The following PDE2A variants were observed in gnomAD, a reference collection of about 807,000 sequenced individuals.
PDE2A encodes the protein phosphodiesterase 2A.
PDE2A carries 53 observed loss-of-function variants against 133.6 expected under a neutral mutation model. The ratio of observed to expected loss-of-function variants is 0.40; its 90% CI spans 0.32 to 0.50. PDE2A has a LOEUF of 0.50. Among genes scored for constraint, PDE2A ranks in the 20% least tolerant of loss-of-function variants. The pLI, the probability that PDE2A is intolerant of heterozygous loss-of-function variation, is 0.73. For missense variants in PDE2A, 796 were observed against 1,232.4 expected (o/e 0.65, Z 5.30); for synonymous variants, 491 against 490.2 (o/e 1.00, Z -0.02).
chr11:72,580,968 A>C lies in PDE2A; in HGVS notation c.2051T>G (p.Ile684Ser). ...GGAAATAAACAAGGCAAAGATCTCGATGTCCCTGGTTGAGAGGCAGAAAGG... is the reference window on the plus strand; with the variant it reads ...GGAAATAAACAAGGCAAAGATCTCGCTGTCCCTGGTTGAGAGGCAGAAAGG... ...NLELTNYLED[I>S]EIFALFISCM... Residue 684 changes from isoleucine to serine, a missense_variant, in exon 24 of 31, where the codon ATC (isoleucine) becomes AGC (serine). By Grantham distance (142) the Ile-to-Ser change is moderately radical. Transcript: ENST00000334456. 6.2e-7 allele frequency: 1 copy of C among 1,610,066 alleles called. No individual in the cohort carries two copies. The highest frequency in any genetic ancestry group is 1.7e-4 in the Middle Eastern group (1 of 6,060).
chr11:72,625,948 G>C (rs1858039454), intron 2 of PDE2A, among the ~76,000 whole-genome samples: 2 of 152,260 alleles, frequency 1.3e-5, no homozygotes, highest in African/African-American at 4.8e-5. Flanking sequence ...CAGGCAGGAC[G>C]GTGGGGGGTG....
At chr11:72,586,751 G>C (rs1280915923) in intron 13 of PDE2A, among the ~76,000 whole-genome samples, 1 of 152,176 alleles carries the variant, frequency 6.6e-6, no homozygotes, top group Non-Finnish European at 1.5e-5. Flanking sequence ...GAGCTGCATG[G>C]GGCTGGGTGG....
At position 72,610,310 on chromosome 11, in the gene PDE2A, G is replaced by A. The variant is rs550844940; in HGVS notation, c.145-1559C>T. 3.3e-4 allele frequency among the ~76,000 whole-genome samples: 50 copies of A among 152,286 alleles called. 1 individual carries two copies. In the South Asian group the frequency reaches 9.9e-3, roughly 30 times the overall value. On this transcript the variant is annotated intron_variant, in intron 2 of 30. Transcript: ENST00000334456. The stretch of plus-strand genomic sequence containing the variant: ...AGGACCTTCTTCCAGGTAGGGCCAT[G>A]CTACAAAGGCATGCCACAGGTCACC...
intron 22 of PDE2A, 64 bp downstream of exon 22, chr11:72,581,813 C>A (rs1465900333): frequency 2.1e-6 from 3 of 1,426,404 alleles, no homozygotes; most frequent in Non-Finnish European, 3.0e-6. Flanking sequence ...ATGCCGGGGG[C>A]AACGGATGTG....
intron 1 of PDE2A, among the ~76,000 whole-genome samples, chr11:72,662,087 GTGTGT>G (rs1855083301): frequency 1.3e-5 from 2 of 152,284 alleles, no homozygotes; most frequent in South Asian, 4.1e-4. Flanking sequence ...CCGGGTTTCG[GTGTGT>G]TGTATGTTTG....
chr11:72,668,526 G>A, intron 1 of PDE2A: 2 of 698,468 alleles, frequency 2.9e-6, no homozygotes, highest in East Asian at 2.7e-5. Flanking sequence ...GTCCCTGAGG[G>A]AAGAGGTCGA....
chr11:72,647,536 C>A (rs1202703893), intron 1 of PDE2A, among the ~76,000 whole-genome samples: 1 of 152,206 alleles, frequency 6.6e-6, no homozygotes, highest in Non-Finnish European at 1.5e-5. Flanking sequence ...ATTGGAGGAC[C>A]CTCAGGAGAG....
rs539573696 is a variant in PDE2A at position 72,642,585 on chromosome 11, C to T, written c.72-259G>A. On this transcript the variant is annotated intron_variant, in intron 1 of 30. Transcript: ENST00000334456. ...CGGATCCTCCGACCCCACCGGACAC[C>T]CGGCCGCTGTCACCCCGCTTCTGTC... 565 of 182,552 alleles carry T rather than the reference C, an allele frequency of 3.1e-3. 3 individuals carry two copies. Among genetic ancestry groups the T allele is most frequent in the African/African-American group, 0.013 (533 of 41,954 alleles). The allele number at this position is 182,552 out of a possible 1,614,324, so 11.3% of individuals were successfully genotyped here. A position where few individuals can be genotyped will look rare whatever the true frequency, so the allele number is the denominator to read the frequency against.
chr11:72,674,035 G>T, intron 1 of PDE2A, 102 bp downstream of exon 1: 2 of 1,174,452 alleles, frequency 1.7e-6, no homozygotes, highest in Non-Finnish European at 1.2e-6. Context: ...CTTCCACGTG[G>T]CTCAGCTCCA....
chr11:72,597,650 G>A lies in PDE2A; in HGVS notation c.324-31C>T, dbSNP rs752328681. ...AAGAGGACATGATGCCACCTTGAGA[G>A]CCCCCGACTCAGGGAGGAACGAGGC... is the stretch of plus-strand genomic sequence containing the variant. On this transcript the variant is annotated intron_variant, in intron 4 of 30. Coordinates refer to ENST00000334456, the MANE Select transcript of PDE2A (RefSeq NM_002599.5). This position sits in a 1 kb window ranked among gnomAD's most constrained non-coding sequence, Gnocchi z 4.6. 48 of 1,450,950 alleles carry A rather than the reference G, an allele frequency of 3.3e-5. No individual in the cohort carries two copies. Among genetic ancestry groups the A allele is most frequent in the Non-Finnish European group, 4.3e-5 (45 of 1,037,540 alleles). 89.9% of individuals were successfully genotyped at this position (1,450,950 alleles called of 1,614,324 possible).
chr11:72,635,597 C>A (rs1313612232), intron 2 of PDE2A, among the ~76,000 whole-genome samples: 2 of 152,200 alleles, frequency 1.3e-5, no homozygotes, highest in African/African-American at 4.8e-5. Flanking sequence ...CCAGTTAGAA[C>A]CCCACAGACT....
At chr11:72,595,125 C>T (rs1856419902) in intron 6 of PDE2A, among the ~76,000 whole-genome samples, 1 of 152,058 alleles carries the variant, frequency 6.6e-6, no homozygotes, top group Admixed American at 6.6e-5. Flanking sequence ...AGCATTCCGC[C>T]CACAAGGGAA....
Position 72,580,607 on chromosome 11 carries a change from C to A in PDE2A, c.2151G>T (p.Ala717=). ...TGACGGAGCCCTCAGAGCTGTAGAG[C>A]GCAGCCAGCACAGATTTCTGGAAAA... ...FQVASKSVLA[A]LYSSEGSVME... Residue 717 remains alanine (A), a synonymous_variant, in exon 25 of 31, where the codon GCG becomes GCT. Coordinates refer to ENST00000334456, the MANE Select transcript of PDE2A (RefSeq NM_002599.5). The A allele has an allele frequency of 1.3e-6, 2 of 1,567,566 alleles. No individual in the cohort carries two copies. The highest frequency in any genetic ancestry group is 2.3e-5 in the South Asian group (2 of 85,224).
At chr11:72,602,139 G>T (rs1262793568) in intron 4 of PDE2A, among the ~76,000 whole-genome samples, 13 of 152,336 alleles carry the variant, frequency 8.5e-5, no homozygotes, top group Non-Finnish European at 1.2e-4. Context: ...TGAGATGAAA[G>T]TGGAGCAGGG....
chr11:72,649,950 G>A (rs1565192001), intron 1 of PDE2A, among the ~76,000 whole-genome samples: 2 of 151,942 alleles, frequency 1.3e-5, no homozygotes, highest in Non-Finnish European at 2.9e-5. Context: ...CTACCCCAGG[G>A]ACAGAAGACT....
At position 72,581,810 on chromosome 11, in the gene PDE2A, G is replaced by A. The variant is rs184643270; in HGVS notation, c.1922+67C>T. The A allele has an allele frequency of 4.5e-5, 64 of 1,407,442 alleles. No homozygotes were observed. The African/African-American group carries it at 7.9e-4, about 17-fold the overall frequency. The allele number at this position is 1,407,442 out of a possible 1,614,324, so 87.2% of individuals were successfully genotyped here. On this transcript the variant is annotated intron_variant, in intron 22 of 30. Transcript: ENST00000334456. ...AGAGAGATCCTCTCCAGAATGCCGG[G>A]GGCAACGGATGTGACAGTAGAGGAA...
At chr11:72,659,161 C>A (rs1854981478) in intron 1 of PDE2A, among the ~76,000 whole-genome samples, 1 of 151,326 alleles carries the variant, frequency 6.6e-6, no homozygotes, top group African/African-American at 2.4e-5. Flanking sequence ...GGAGTCACAC[C>A]CAGTTGTGTC....
intron 2 of PDE2A, among the ~76,000 whole-genome samples, chr11:72,610,572 G>A (rs936348777): frequency 2.6e-5 from 4 of 152,046 alleles, no homozygotes; most frequent in Admixed American, 1.3e-4. Context: ...ACTCAGCATC[G>A]CTTTCCCCAA....
intron 23 of PDE2A, 65 bp from the exon 24 acceptor site, chr11:72,581,038 A>G (rs1855703061): frequency 1.8e-6 from 2 of 1,135,954 alleles, no homozygotes; most frequent in Non-Finnish European, 2.7e-6. Flanking sequence ...TAAATCCCCA[A>G]GAGGACAGAC....
Sources: gnomAD v4.1 joint callset for allele counts (sites outside exome capture counted in the v4.1 genomes callset) on GRCh38, gnomAD v4.1.1 for gene constraint, Gnocchi (gnomAD v3.1) non-coding constraint, MANE v1.5 for transcripts, NCBI Gene and HGNC (gene_info 2026-07-23, HGNC 2026-07-21) for gene names.